The following KLHL40 variants were observed in gnomAD, a reference collection of about 807,000 sequenced individuals.
KLHL40 encodes the protein kelch like family member 40.
Under a neutral mutation model 49.7 loss-of-function variants are expected in KLHL40, and 44 were observed. That is an observed-to-expected ratio of 0.89 (90% CI 0.70 to 1.14). The LOEUF (loss-of-function observed/expected upper bound fraction) is 1.14. KLHL40 is among the 50% of genes most tolerant of loss of function. KLHL40 has a pLI of 0.00. For synonymous variants in KLHL40, 409 were observed against 365.2 expected, an observed-to-expected ratio of 1.12 and a Z score of -1.37; for missense variants, 892 against 850.3, an observed-to-expected ratio of 1.05 and a Z score of -0.61.
At position 42,685,714 on chromosome 3, in the gene KLHL40, C is replaced by A. The variant is rs1215162656; in HGVS notation, c.96C>A (p.Phe32Leu). The A allele has an allele frequency of 6.2e-7, 1 of 1,613,108 alleles. No homozygotes were observed. Among genetic ancestry groups the A allele is most frequent in the African/African-American group, 1.3e-5 (1 of 74,938 alleles). Residue 32 changes from phenylalanine to leucine, a missense_variant, in exon 1 of 6, where the codon TTC (phenylalanine) becomes TTA (leucine). Coordinates refer to ENST00000287777, the MANE Select transcript of KLHL40 (RefSeq NM_152393.4). ...AAGACATGCTGGACCATGGCAAGTT[C>A]CTCGACTGTGTGGTGCGGGCGGGCG... is the stretch of plus-strand genomic sequence containing the variant. ...GLKDMLDHGK[F>L]LDCVVRAGER... is the part of the protein sequence containing the mutation.
rs201336129 is a variant in KLHL40, at chr3:42,688,149, A to G, written c.1160A>G (p.His387Arg). ...PMSAYFLQFDHLDSEWLGMPP... is the reference protein window; with the variant it reads ...PMSAYFLQFDRLDSEWLGMPP... The stretch of plus-strand genomic sequence containing the variant: ...TGGACACCTGGCCTGCAGTTTGACC[A>G]TCTGGACTCAGAGTGGCTGGGGATG... Residue 387 changes from histidine (H) to arginine (R), a missense_variant, in exon 2 of 6, where the codon CAT (histidine) becomes CGT (arginine). His to Arg is a conservative substitution (Grantham distance 29). Transcript: ENST00000287777. This position sits in a 1 kb window ranked among gnomAD's most constrained non-coding sequence, Gnocchi z 4.2. The G allele has an allele frequency of 5.9e-5, 95 of 1,613,782 alleles. No individual in the cohort carries two copies. The highest frequency in any genetic ancestry group is 1.1e-5 in the Non-Finnish European group (13 of 1,179,986).
chr3:42,686,836 G>GCTTGTGTCTACACAAGTGAATGCC, intron 1 of KLHL40, 66 bp downstream of exon 1: 1 of 1,390,372 alleles, frequency 7.2e-7, no homozygotes, highest in Non-Finnish European at 9.7e-7. Flanking sequence ...CAGTCTTGGG[G>GCTTGTGTCTACACAAGTGAATGCC]CCCAGAAGGG....
chr3:42,691,912 T>C lies in KLHL40; in HGVS notation c.1785T>C (p.Gly595=). ...ACGAGGAGGAGAAGAAATGGGAGGG[T>C]GTCCTGCGGGAGATCGCCTATGCAG... ...RYNEEEKKWE[G]VLREIAYAAG... Residue 595 remains glycine (G), a synonymous_variant, in exon 6 of 6, where the codon GGT becomes GGC. Coordinates refer to ENST00000287777, the MANE Select transcript of KLHL40 (RefSeq NM_152393.4). 1 of 1,613,180 alleles carries C rather than the reference T, an allele frequency of 6.2e-7. No homozygotes were observed. The highest frequency in any genetic ancestry group is 8.5e-7 in the Non-Finnish European group (1 of 1,179,262).
rs914329050 is a variant in KLHL40 at position 42,692,124 on chromosome 3, G to T, written c.*131G>T. On this transcript the variant is annotated 3_prime_UTR_variant, in exon 6 of 6. Coordinates refer to ENST00000287777, the MANE Select transcript of KLHL40 (RefSeq NM_152393.4). ...TGGATCCAGTTATGGTGCCTCAGGGGCTGCGTCAGCCAAGGAAAGGGAAGT... is the reference window on the plus strand; with the variant it reads ...TGGATCCAGTTATGGTGCCTCAGGGTCTGCGTCAGCCAAGGAAAGGGAAGT... The T allele has an allele frequency of 6.2e-6, 4 of 645,500 alleles. No homozygotes were observed. Among genetic ancestry groups the T allele is most frequent in the Non-Finnish European group, 1.1e-5 (4 of 353,924 alleles). The allele number at this position is 645,500 out of a possible 1,614,324, so 40.0% of individuals were successfully genotyped here.
chr3:42,687,416 A>G (rs1300940297), intron 1 of KLHL40, among the ~76,000 whole-genome samples: 2 of 152,128 alleles, frequency 1.3e-5, no homozygotes, highest in African/African-American at 2.4e-5. Context: ...TGGTGTGCTC[A>G]GGGAGGCCTG....
rs1428519055 is a variant in KLHL40 at position 42,688,229 on chromosome 3, A to G, written c.1240A>G (p.Ile414Val). The G allele has an allele frequency of 6.2e-7, 1 of 1,613,746 alleles. No individual in the cohort carries two copies. The highest frequency in any genetic ancestry group is 8.5e-7 in the Non-Finnish European group (1 of 1,179,998). ...TGGCCTGGGAGAAGCTCTCAACTCCATCTACGTGGTCGGTGGCAGAGAGAT... is the reference window on the plus strand; with the variant it reads ...TGGCCTGGGAGAAGCTCTCAACTCCGTCTACGTGGTCGGTGGCAGAGAGAT... The part of the protein sequence containing the change: ...LFGLGEALNS[I>V]YVVGGREIKD... Residue 414 changes from isoleucine (I) to valine (V), a missense_variant, in exon 2 of 6, where the codon ATC becomes GTC. Transcript: ENST00000287777. The surrounding 1 kb of genome is among the most constrained non-coding windows in gnomAD (Gnocchi z 4.2).
chr3:42,690,899 CTCAGCCTGG>C lies in KLHL40; in HGVS notation c.1659_1667del (p.Ser554_Val556del), dbSNP rs1217957109. 1 of 1,613,500 alleles carries C rather than the reference CTCAGCCTGG, an allele frequency of 6.2e-7. No individual in the cohort carries two copies. Among genetic ancestry groups the C allele is most frequent in the Non-Finnish European group, 8.5e-7 (1 of 1,179,730 alleles). On this transcript the variant is annotated inframe_deletion, in exon 5 of 6. Transcript: ENST00000287777. ...GGCCTTCCCACAGGAGCGTAGCTCA[CTCAGCCTGG>C]TCAGCCTGGTGGGTACCCTCTATGC...
In KLHL40 at chr3:42,688,599, G is replaced by A. The variant is rs760691315; in HGVS notation, c.1314-11G>A. 1.4e-5 allele frequency: 23 copies of A among 1,607,084 alleles called. No homozygotes were observed. The highest frequency in any genetic ancestry group is 1.6e-4 in the Middle Eastern group (1 of 6,062). On this transcript the variant is annotated splice_polypyrimidine_tract_variant and intron_variant, in intron 2 of 5. Coordinates refer to ENST00000287777, the MANE Select transcript of KLHL40 (RefSeq NM_152393.4). The surrounding 1 kb of genome is among the most constrained non-coding windows in gnomAD (Gnocchi z 4.2). Reference sequence around the variant, plus strand: ...GGTGCCCTCCCCCACCCCCACTCCCGTCTCCTCCAGGTCATTCAAATGGGG... The same window carrying A: ...GGTGCCCTCCCCCACCCCCACTCCCATCTCCTCCAGGTCATTCAAATGGGG...
In KLHL40 at chr3:42,685,668, C is replaced by T. The variant is rs774037458; in HGVS notation, c.50C>T (p.Thr17Met). Residue 17 changes from threonine (T) to methionine (M), a missense_variant, in exon 1 of 6, where the codon ACG becomes ATG. Transcript: ENST00000287777. ...GAGGAGCAGCGGTTGTACCAGCAGA[C>T]GCTCCTGCAAGACGGGCTCAAAGAC... ...QAEEQRLYQQ[T>M]LLQDGLKDML... 1.9e-6 allele frequency: 3 copies of T among 1,611,972 alleles called. No individual in the cohort carries two copies. The highest frequency in any genetic ancestry group is 1.1e-5 in the South Asian group (1 of 90,898).
In KLHL40 at chr3:42,688,738, A is replaced by G. The variant is rs2125845504; in HGVS notation, c.1421+21A>G. On this transcript the variant is annotated intron_variant, in intron 3 of 5. Transcript: ENST00000287777. The surrounding 1 kb of genome is among the most constrained non-coding windows in gnomAD (Gnocchi z 4.2). ...GACAGGTGAGGCTGGGCCTGGAGTG[A>G]GTCTGTGGAGCAGAGGTAGAATCTC... is the stretch of plus-strand genomic sequence containing the variant. 6.2e-7 allele frequency: 1 copy of G among 1,600,736 alleles called. No homozygotes were observed. The highest frequency in any genetic ancestry group is 8.6e-7 in the Non-Finnish European group (1 of 1,167,914).
At position 42,688,851 on chromosome 3, in the gene KLHL40, C is replaced by T. The variant is rs752264963; in HGVS notation, c.1422-18C>T. On this transcript the variant is annotated intron_variant, in intron 3 of 5. Coordinates refer to ENST00000287777, the MANE Select transcript of KLHL40 (RefSeq NM_152393.4). This position sits in a 1 kb window ranked among gnomAD's most constrained non-coding sequence, Gnocchi z 4.2. ...GGCTCCTGCTTCTCTCCACCCATCC[C>T]CACCCTCCACCCCACAGGAAGTGCC... 2 of 1,610,974 alleles carry T rather than the reference C, an allele frequency of 1.2e-6. No individual in the cohort carries two copies. The highest frequency in any genetic ancestry group is 1.7e-5 in the Admixed American group (1 of 59,948).
rs748182116 is a variant in KLHL40, at chr3:42,685,870, G to A, written c.252G>A (p.Gln84=). The change falls in exon 1 of 6, where the codon CAG becomes CAA. Residue 84 remains glutamine, a synonymous_variant. Transcript: ENST00000287777. ...AGGTGTCCCCGGACGTGGTGGCCCA[G>A]GTGCTGCACTACCTGTACACATCAG... ...LEEVSPDVVA[Q]VLHYLYTSEI... 21 of 1,612,848 alleles carry A rather than the reference G, an allele frequency of 1.3e-5. No homozygotes were observed. The East Asian group carries it at 2.0e-4, about 15-fold the overall frequency.
At position 42,686,561 on chromosome 3, in the gene KLHL40, T is replaced by A; in HGVS notation, c.943T>A (p.Phe315Ile). 4 of 1,614,190 alleles carry A rather than the reference T, an allele frequency of 2.5e-6. No individual in the cohort carries two copies. Among genetic ancestry groups the A allele is most frequent in the Non-Finnish European group, 3.4e-6 (4 of 1,180,036 alleles). ...ILNDTLRFGM[F>I]LQDLIFMISE... ...CAATGACACCCTGCGCTTCGGCATG[T>A]TCCTGCAGGATCTCATCTTCATGAT... Residue 315 changes from phenylalanine (F) to isoleucine (I), a missense_variant, in exon 1 of 6, where the codon TTC (phenylalanine) becomes ATC (isoleucine). Coordinates refer to ENST00000287777, the MANE Select transcript of KLHL40 (RefSeq NM_152393.4).
chr3:42,687,546 A>G (rs1389312967), intron 1 of KLHL40, among the ~76,000 whole-genome samples: 2 of 152,000 alleles, frequency 1.3e-5, no homozygotes, highest in African/African-American at 4.8e-5. Flanking sequence ...CACATTGTTT[A>G]TTCTCTCTGG....
rs774887948 is a variant in KLHL40 at position 42,686,550 on chromosome 3, G to A, written c.932G>A (p.Arg311His). The A allele has an allele frequency of 1.2e-6, 2 of 1,614,134 alleles. No homozygotes were observed. Among genetic ancestry groups the A allele is most frequent in the South Asian group, 1.1e-5 (1 of 91,084 alleles). The change falls in exon 1 of 6, where the codon CGC (arginine) becomes CAC (histidine). Residue 311 changes from arginine to histidine, a missense_variant. Transcript: ENST00000287777. ...ILPGILNDTLRFGMFLQDLIF... is the reference protein window; with the variant it reads ...ILPGILNDTLHFGMFLQDLIF... ...CCTGGGATCCTCAATGACACCCTGC[G>A]CTTCGGCATGTTCCTGCAGGATCTC...
chr3:42,692,319 A>G lies in KLHL40; in HGVS notation c.*326A>G. On this transcript the variant is annotated 3_prime_UTR_variant, in exon 6 of 6. Coordinates refer to ENST00000287777, the MANE Select transcript of KLHL40 (RefSeq NM_152393.4). ...TGAGTGTGCTGGCAAAGTTCCCCAC[A>G]GGACTCAGCCTTCTCGTCTGTCCGA... 2.3e-6 allele frequency: 1 copy of G among 436,886 alleles called. No individual in the cohort carries two copies. Among genetic ancestry groups the G allele is most frequent in the Non-Finnish European group, 4.2e-6 (1 of 238,864 alleles). The allele number at this position is 436,886 out of a possible 1,614,324, so 27.1% of individuals were successfully genotyped here.
Position 42,690,940 on chromosome 3 carries a change from T to C in KLHL40, c.1689T>C (p.Gly563=). Residue 563 remains glycine (G), a synonymous_variant, in exon 5 of 6, where the codon GGT becomes GGC. Coordinates refer to ENST00000287777, the MANE Select transcript of KLHL40 (RefSeq NM_152393.4). ...VSLVGTLYAI[G]GFATLETESG... The stretch of plus-strand genomic sequence containing the variant: ...TGGTGGGTACCCTCTATGCCATTGG[T>C]GGCTTTGCCACACTGGAGACGGAGT... The C allele has an allele frequency of 1.2e-6, 2 of 1,613,800 alleles. No individual in the cohort carries two copies. Among genetic ancestry groups the C allele is most frequent in the Middle Eastern group, 1.7e-4 (1 of 6,044 alleles).
Position 42,685,723 on chromosome 3 carries a change from T to C in KLHL40, c.105T>C (p.Cys35=), listed in dbSNP as rs1227493178. 6 of 1,612,940 alleles carry C rather than the reference T, an allele frequency of 3.7e-6. No individual in the cohort carries two copies. In the Admixed American group the frequency reaches 8.3e-5, roughly 22 times the overall value. The change falls in exon 1 of 6, where the codon TGT becomes TGC. Residue 35 remains cysteine, a synonymous_variant. Transcript: ENST00000287777. ...TGGACCATGGCAAGTTCCTCGACTG[T>C]GTGGTGCGGGCGGGCGAGCGCGAGT... ...DMLDHGKFLD[C]VVRAGEREFP...
chr3:42,691,933 T>C lies in KLHL40; in HGVS notation c.1806T>C (p.Tyr602=), dbSNP rs758044696. 41 of 1,613,826 alleles carry C rather than the reference T, an allele frequency of 2.5e-5. No individual in the cohort carries two copies. The highest frequency in any genetic ancestry group is 4.0e-5 in the African/African-American group (3 of 74,928). ...KWEGVLREIA[Y]AAGATFLPVR... ...AGGGTGTCCTGCGGGAGATCGCCTA[T>C]GCAGCAGGTGCCACCTTCCTACCAG... Residue 602 remains tyrosine, a synonymous_variant, in exon 6 of 6, where the codon TAT becomes TAC. Transcript: ENST00000287777.
Sources: gnomAD v4.1 joint callset for allele counts (sites outside exome capture counted in the v4.1 genomes callset) on GRCh38, gnomAD v4.1.1 for gene constraint, Gnocchi (gnomAD v3.1) non-coding constraint, MANE v1.5 for transcripts, NCBI Gene and HGNC (gene_info 2026-07-23, HGNC 2026-07-21) for gene names.